Variants in ASTN2 observed in about 807,000 individuals in gnomAD.
The protein encoded by ASTN2 is astrotactin-2.
Under a neutral mutation model 139.8 loss-of-function variants are expected in ASTN2, and 54 were observed. The ratio of observed to expected loss-of-function variants is 0.39; its 90% confidence interval spans 0.31 to 0.48. The LOEUF (loss-of-function observed/expected upper bound fraction) is 0.48. Among genes scored for constraint, ASTN2 ranks in the 20% least tolerant of loss-of-function variants. ASTN2 has a pLI of 0.95. For missense variants in ASTN2, 1,565 were observed against 1,725.1 expected, an observed-to-expected ratio of 0.91 and a Z score of 1.64; for synonymous variants, 756 against 719.5, an observed-to-expected ratio of 1.05 and a Z score of -0.81.
At chr9:116,867,238 A>G (rs1833035184) in intron 10 of ASTN2, among the ~76,000 whole-genome samples, 1 of 152,174 alleles carries the variant, frequency 6.6e-6, no homozygotes, top group Non-Finnish European at 1.5e-5. Context: ...CTCAAGGTAA[A>G]CAGAACAAAT....
chr9:117,186,735 G>T (rs1395509580), intron 3 of ASTN2, among the ~76,000 whole-genome samples: 1 of 152,076 alleles, frequency 6.6e-6, no homozygotes, highest in Non-Finnish European at 1.5e-5. Context: ...TCTATACAGT[G>T]CCAGGCAATG....
chr9:117,244,587 GA>G (rs1833316106), intron 2 of ASTN2, among the ~76,000 whole-genome samples: 1 of 11,838 alleles, frequency 8.4e-5, no homozygotes, highest in African/African-American at 1.1e-4. Flanking sequence ...GGGAGGGAGG[GA>G]GGGAGGGAGG....
intron 16 of ASTN2, among the ~76,000 whole-genome samples, chr9:116,706,708 C>T (rs540834866): frequency 2.6e-5 from 4 of 151,596 alleles, no homozygotes; most frequent in Non-Finnish European, 5.9e-5. Context: ...ACCACTACCA[C>T]TGCAGGGCTC....
At chr9:117,170,397 C>T (rs1213594274) in intron 3 of ASTN2, among the ~76,000 whole-genome samples, 1 of 152,058 alleles carries the variant, frequency 6.6e-6, no homozygotes, top group Non-Finnish European at 1.5e-5. Flanking sequence ...ATTGATTGAG[C>T]ACCTGCTAGG....
chr9:116,902,655 T>C (rs1292090519), intron 10 of ASTN2, among the ~76,000 whole-genome samples: 1 of 152,124 alleles, frequency 6.6e-6, no homozygotes, highest in African/African-American at 2.4e-5. Context: ...AATCGCCTAA[T>C]GGTACATTTC....
chr9:116,590,085 C>T (rs2131730618), intron 19 of ASTN2, among the ~76,000 whole-genome samples: 1 of 152,296 alleles, frequency 6.6e-6, no homozygotes, highest in South Asian at 2.1e-4. Flanking sequence ...AGGGGAGATG[C>T]AGCAGGGGCT....
intron 19 of ASTN2, among the ~76,000 whole-genome samples, chr9:116,577,182 C>G (rs955449046): frequency 1.3e-5 from 2 of 152,116 alleles, no homozygotes; most frequent in Non-Finnish European, 2.9e-5. Context: ...TGCAGAACTA[C>G]AGTGACTTTC....
intron 16 of ASTN2, among the ~76,000 whole-genome samples, chr9:116,703,990 A>G (rs1827922928): frequency 6.6e-6 from 1 of 152,202 alleles, no homozygotes; most frequent in Admixed American, 6.5e-5. Context: ...TTATCTTGTC[A>G]ATATCATTAA....
At chr9:116,833,819 C>T (rs1305517922) in intron 11 of ASTN2, among the ~76,000 whole-genome samples, 1 of 152,120 alleles carries the variant, frequency 6.6e-6, no homozygotes, top group South Asian at 2.1e-4. Context: ...TGATGATATT[C>T]GCAGTTGAAG....
intron 17 of ASTN2, 80 bp downstream of exon 17, chr9:116,651,448 C>G: frequency 6.7e-7 from 1 of 1,488,414 alleles, no homozygotes; most frequent in South Asian, 1.3e-5. Flanking sequence ...ATGACAATAC[C>G]CCTGGACAAA....
chr9:116,741,778 A>C (rs1388516409), intron 13 of ASTN2, among the ~76,000 whole-genome samples: 7 of 152,094 alleles, frequency 4.6e-5, no homozygotes, highest in African/African-American at 1.4e-4. Flanking sequence ...TGATGCTAAC[A>C]CTGGTTGGTT....
At chr9:116,590,078 G>A (rs749350503) in intron 19 of ASTN2, among the ~76,000 whole-genome samples, 2 of 152,188 alleles carry the variant, frequency 1.3e-5, no homozygotes, top group East Asian at 1.9e-4. Flanking sequence ...CTGCAGCAGG[G>A]GAGATGCAGC....
intron 11 of ASTN2, among the ~76,000 whole-genome samples, chr9:116,832,721 A>G (rs1831851766): frequency 6.6e-6 from 1 of 152,010 alleles, no homozygotes; most frequent in Non-Finnish European, 1.5e-5. Flanking sequence ...AGTTATGTGT[A>G]TAGTTATCTT....
chr9:117,141,449 C>T lies in ASTN2; in HGVS notation c.1045G>A (p.Glu349Lys), dbSNP rs1474731230. The change falls in exon 4 of 23, where the codon GAG becomes AAG. Residue 349 changes from glutamate to lysine, a missense_variant. Glu to Lys is a moderately conservative substitution (Grantham distance 56). Around this residue, in one of 4 missense-constraint regions of ASTN2, gnomAD observed 596 missense variants for 576.8 expected, o/e 1.03. Transcript: ENST00000313400. ...AAAEATQETV[E>K]SLMQKFKESF... ...TCCTTGAACTTCTGCATCAGGGACT[C>T]CACTGTCTCCTGAGTCGCCTCAGCT... 1.5e-6 allele frequency: 2 copies of T among 1,367,276 alleles called. No homozygotes were observed. Among genetic ancestry groups the T allele is most frequent in the Non-Finnish European group, 2.0e-6 (2 of 1,021,844 alleles). The allele number at this position is 1,367,276 out of a possible 1,614,324, so 84.7% of individuals were successfully genotyped here.
chr9:116,710,816 G>A (rs1471846173), intron 16 of ASTN2, among the ~76,000 whole-genome samples: 1 of 151,300 alleles, frequency 6.6e-6, no homozygotes, highest in Non-Finnish European at 1.5e-5. Context: ...ATAAAGCCAT[G>A]TGTTTTGTGA....
chr9:117,131,341 C>CA (rs1829822490), intron 4 of ASTN2, among the ~76,000 whole-genome samples: 1 of 152,114 alleles, frequency 6.6e-6, no homozygotes, highest in Non-Finnish European at 1.5e-5. Flanking sequence ...AAAAGACTGA[C>CA]AAAATAGATG....
At chr9:116,498,832 A>AG (rs1392298350) in intron 19 of ASTN2, among the ~76,000 whole-genome samples, 1 of 152,208 alleles carries the variant, frequency 6.6e-6, no homozygotes, top group African/African-American at 2.4e-5. Flanking sequence ...GTGATAGTGA[A>AG]GGATCTTTAA....
At chr9:117,060,457 AAAGGAAGG>A (rs767897842) in intron 5 of ASTN2, among the ~76,000 whole-genome samples, 1,573 of 61,410 alleles carry the variant, frequency 0.026, 234 homozygotes, top group African/African-American at 0.063. Context: ...AGAAAGAAAG[AAAGGAAGG>A]AAGGAAGGAA....
intron 19 of ASTN2, among the ~76,000 whole-genome samples, chr9:116,488,374 G>A (rs1274336050): frequency 6.6e-6 from 1 of 152,032 alleles, no homozygotes; most frequent in Non-Finnish European, 1.5e-5. Context: ...CTCATTTTTT[G>A]TGCTTCAGTT....
Sources: gnomAD v4.1 joint callset for allele counts (sites outside exome capture counted in the v4.1 genomes callset) on GRCh38, gnomAD v4.1.1 for gene constraint, gnomAD v4.1.1 regional missense constraint, MANE v1.5 for transcripts, NCBI Gene and HGNC (gene_info 2026-07-23, HGNC 2026-07-21) for gene names.